The following TBX1 variants were observed in gnomAD, a reference collection of about 807,000 sequenced individuals.
The protein encoded by TBX1 is T-box transcription factor 1.
Under a neutral mutation model 40.8 loss-of-function variants are expected in TBX1, and 16 were observed. The observed-to-expected ratio is 0.39, with a 90% CI of 0.27 to 0.60. The LOEUF (loss-of-function observed/expected upper bound fraction) is 0.60, where lower values mean the gene tolerates loss of function less well. Ranked by LOEUF, TBX1 falls within the 20% of genes least tolerant of loss-of-function variation. The pLI, the probability that TBX1 is intolerant of heterozygous loss-of-function variation, is 0.51. For synonymous variants in TBX1, 403 were observed against 336.8 expected (o/e 1.20, Z -2.15); for missense variants, 755 against 728.5 (o/e 1.04, Z -0.42).
upstream of TBX1, chr22:19,759,768 G>C: frequency 7.0e-7 from 1 of 1,437,284 alleles, no homozygotes; most frequent in Non-Finnish European, 9.6e-7. Context: ...GGTGGAGGCA[G>C]CTCTTGGTAG....
Position 19,766,378 on chromosome 22 carries a change from C to G in TBX1, c.1037-11C>G. On this transcript the variant is annotated splice_polypyrimidine_tract_variant and intron_variant, in intron 6 of 6. Transcript: ENST00000649276. Reference sequence around the variant, plus strand: ...CGGCCGGCCGCGCTCACTCCTCGGCCCTCTCCGCAGACGCGGCTGAGGCCC... The same window carrying G: ...CGGCCGGCCGCGCTCACTCCTCGGCGCTCTCCGCAGACGCGGCTGAGGCCC... 4.6e-6 allele frequency: 6 copies of G among 1,315,388 alleles called. No homozygotes were observed. Among genetic ancestry groups the G allele is most frequent in the Non-Finnish European group, 5.8e-6 (6 of 1,032,004 alleles). The allele number at this position is 1,315,388 out of a possible 1,614,324, so 81.5% of individuals were successfully genotyped here. A position where few individuals can be genotyped will look rare whatever the true frequency, so the allele number is the denominator to read the frequency against.
upstream of TBX1, chr22:19,759,404 C>G (rs890308293): frequency 2.3e-6 from 2 of 857,400 alleles, no homozygotes; most frequent in African/African-American, 3.7e-5. Flanking sequence ...CAGGCCCCCG[C>G]CCCCGGACTC....
chr22:19,783,376 T>A (rs756134092), downstream of TBX1: 44 of 350,824 alleles, frequency 1.3e-4, no homozygotes, highest in Non-Finnish European at 2.3e-4. Flanking sequence ...ACAGATGTGC[T>A]GCTGTTCCCA....
At chr22:19,767,578 C>T (rs1936907546), downstream of TBX1, among the ~76,000 whole-genome samples, 1 of 152,236 alleles carries the variant, frequency 6.6e-6, no homozygotes, top group South Asian at 2.1e-4. Flanking sequence ...ACTCCCCCCA[C>T]CTTCCCACCG....
upstream of TBX1, among the ~76,000 whole-genome samples, chr22:19,760,601 T>G (rs1230911184): frequency 8.7e-6 from 1 of 115,048 alleles, no homozygotes; most frequent in East Asian, 2.9e-4. Context: ...GCGGGCGGGC[T>G]GGGGGCCGGG....
rs1402958553 is a variant in TBX1, at chr22:19,766,799, G to T, written c.1447G>T (p.Ala483Ser). The change falls in exon 7 of 7, where the codon GCG (alanine) becomes TCG (serine). Residue 483 changes from alanine to serine, a missense_variant. Physicochemically the swap from Ala to Ser is moderately conservative, Grantham distance 99. Around this residue, in one of 3 missense-constraint regions of TBX1, gnomAD observed 412 missense variants for 317.6 expected, o/e 1.30. Coordinates refer to ENST00000649276, the MANE Select transcript of TBX1 (RefSeq NM_001379200.1). The part of the protein sequence containing the change: ...AAAAAAAAAA[A>S]AANMYSSAGA... ...CGCCGCCGCCGCTGCCGCAGCTGCC[G>T]CGGCCGCCAACATGTACTCGTCGGC... 3.3e-6 allele frequency: 5 copies of T among 1,516,280 alleles called. No individual in the cohort carries two copies. The African/African-American group carries it at 5.8e-5, about 18-fold the overall frequency. The allele number at this position is 1,516,280 out of a possible 1,614,324, so 93.9% of individuals were successfully genotyped here.
chr22:19,757,129 C>T (rs1202807517), upstream of TBX1, among the ~76,000 whole-genome samples: 1 of 152,060 alleles, frequency 6.6e-6, no homozygotes, highest in Non-Finnish European at 1.5e-5. Flanking sequence ...CGAAATCAAG[C>T]GAGTGAGTAT....
upstream of TBX1, chr22:19,759,570 A>G: frequency 6.3e-7 from 1 of 1,590,964 alleles, no homozygotes; most frequent in Non-Finnish European, 8.5e-7. Flanking sequence ...GAGGCGGCGG[A>G]GCGCACCGCC....
At position 19,766,851 on chromosome 22, in the gene TBX1, A is replaced by G. The variant is rs946713267; in HGVS notation, c.1499A>G (p.Asp500Gly). 1 of 1,576,020 alleles carries G rather than the reference A, an allele frequency of 6.3e-7. No individual in the cohort carries two copies. Among genetic ancestry groups the G allele is most frequent in the Non-Finnish European group, 8.5e-7 (1 of 1,169,810 alleles). ...GGAGCCGCGCCGCCCGGCTCCTACG[A>G]CTATTGCCCCAGATAACACGGGCCC... is the stretch of plus-strand genomic sequence containing the variant. ...SAGAAPPGSY[D>G]YCPR The change falls in exon 7 of 7, where the codon GAC (aspartate) becomes GGC (glycine). Residue 500 changes from aspartate to glycine, a missense_variant. By Grantham distance (94) the Asp-to-Gly change is moderately conservative. Around this residue, in one of 3 missense-constraint regions of TBX1, gnomAD observed 412 missense variants for 317.6 expected, o/e 1.30. Coordinates refer to ENST00000649276, the MANE Select transcript of TBX1 (RefSeq NM_001379200.1).
At chr22:19,779,716 C>T (rs1869090759), downstream of TBX1, among the ~76,000 whole-genome samples, 1 of 152,214 alleles carries the variant, frequency 6.6e-6, no homozygotes, top group African/African-American at 2.4e-5. Flanking sequence ...GCCTTAAACA[C>T]CTCAGTACAG....
chr22:19,766,660 C>T lies in TBX1; in HGVS notation c.1308C>T (p.Leu436=), dbSNP rs1303578943. Residue 436 remains leucine (L), a synonymous_variant, in exon 7 of 7, where the codon CTC becomes CTT. Coordinates refer to ENST00000649276, the MANE Select transcript of TBX1 (RefSeq NM_001379200.1). The part of the protein sequence containing the change: ...KYPAAAYDHY[L]GAKSRPAPYP... ...CGGCCGCCGCCTACGACCACTATCT[C>T]GGGGCCAAGAGCCGGCCGGCGCCCT... 1 of 1,553,928 alleles carries T rather than the reference C, an allele frequency of 6.4e-7. No homozygotes were observed. The highest frequency in any genetic ancestry group is 8.6e-7 in the Non-Finnish European group (1 of 1,158,332).
intron 8 of TBX1, among the ~76,000 whole-genome samples, chr22:19,773,566 C>T (rs182568667): frequency 1.3e-4 from 20 of 152,334 alleles, no homozygotes; most frequent in Admixed American, 3.9e-4. Context: ...TCCAGGCAGG[C>T]ACCCCCTTCA....
exon 1 of TBX1, chr22:19,760,763 AGCGCGGCGCCCGCCACTCG>A (rs1219880193): frequency 4.2e-4 from 112 of 264,440 alleles, no homozygotes; most frequent in African/African-American, 3.4e-3. Context: ...GGGCGCACGC[AGCGCGGCGCCCGCCACTCG>A]GCCCGCGGCG....
In TBX1 at chr22:19,764,987, G is replaced by A. The variant is rs778627866; in HGVS notation, c.741G>A (p.Gln247=). ...TTCTGAATTCCATGCACAGATACCAGCCCCGCTTCCACGTGGTCTATGTGG... is the reference window on the plus strand; with the variant it reads ...TTCTGAATTCCATGCACAGATACCAACCCCGCTTCCACGTGGTCTATGTGG... ...HIILNSMHRY[Q]PRFHVVYVDP... is the part of the protein sequence containing the mutation. Residue 247 remains glutamine (Q), a synonymous_variant, in exon 4 of 7, where the codon CAG becomes CAA. Coordinates refer to ENST00000649276, the MANE Select transcript of TBX1 (RefSeq NM_001379200.1). 8.1e-6 allele frequency: 13 copies of A among 1,614,124 alleles called. No individual in the cohort carries two copies. In the East Asian group the frequency reaches 2.9e-4, roughly 36 times the overall value.
chr22:19,767,858 G>C (rs868640871), downstream of TBX1, among the ~76,000 whole-genome samples: 1 of 152,226 alleles, frequency 6.6e-6, no homozygotes, highest in South Asian at 2.1e-4. Context: ...TGTTCTGCTA[G>C]CATTTCCCCT....
chr22:19,779,239 C>A, exon 9 of TBX1: 1 of 1,614,182 alleles, frequency 6.2e-7, no homozygotes, highest in Non-Finnish European at 8.5e-7. Context: ...TCCTGAAGGA[C>A]AAGGAAGTGA....
upstream of TBX1, chr22:19,756,847 C>A (rs1243072702): frequency 6.6e-6 from 1 of 152,536 alleles, no homozygotes; most frequent in Non-Finnish European, 1.5e-5. Context: ...GGCGCGCTCC[C>A]TCCGGGCTGC....
At chr22:19,773,961 G>T (rs1937028134) in intron 8 of TBX1, among the ~76,000 whole-genome samples, 1 of 152,334 alleles carries the variant, frequency 6.6e-6, no homozygotes, top group Middle Eastern at 3.4e-3. Flanking sequence ...TCATGCACAG[G>T]TCTCTTCCCC....
upstream of TBX1, among the ~76,000 whole-genome samples, chr22:19,757,558 G>A (rs1000115486): frequency 6.6e-6 from 1 of 152,170 alleles, no homozygotes; most frequent in Non-Finnish European, 1.5e-5. Context: ...GCACATGCAG[G>A]AGCCCCACCC....
Sources: gnomAD v4.1 joint callset for allele counts (sites outside exome capture counted in the v4.1 genomes callset) on GRCh38, gnomAD v4.1.1 for gene constraint, gnomAD v4.1.1 regional missense constraint, MANE v1.5 for transcripts, NCBI Gene and HGNC (gene_info 2026-07-23, HGNC 2026-07-21) for gene names.